Variants in AQR observed in about 807,000 individuals in gnomAD.
AQR encodes the protein RNA helicase aquarius.
A neutral mutation model predicts 180.5 loss-of-function variants in AQR; 61 were observed. That is an observed-to-expected ratio of 0.34 (90% CI 0.28 to 0.42). The LOEUF (loss-of-function observed/expected upper bound fraction) is 0.42, where lower values mean the gene tolerates loss of function less well. Among genes scored for constraint, AQR ranks in the 10% least tolerant of loss-of-function variants. The pLI, the probability that AQR is intolerant of heterozygous loss-of-function variation, is 1.00. For synonymous variants in AQR, 551 were observed against 588.8 expected (o/e 0.94, Z 0.93); for missense variants, 1,281 against 1,798.3 (o/e 0.71, Z 5.20).
At chr15:34,878,385 C>CAAAAAA (rs5811839) in intron 27 of AQR, among the ~76,000 whole-genome samples, 3 of 41,620 alleles carry the variant, frequency 7.2e-5, no homozygotes, top group Admixed American at 2.7e-4. Flanking sequence ...GACTCTGTCT[C>CAAAAAA]AAAAAAAAAA....
At chr15:34,957,259 C>T (rs12909008) in intron 3 of AQR, among the ~76,000 whole-genome samples, 3 of 151,956 alleles carry the variant, frequency 2.0e-5, no homozygotes, top group East Asian at 1.9e-4. Context: ...CGGGTTCAAG[C>T]GATTCTCCTG....
At chr15:34,915,442 G>A (rs564385253) in intron 15 of AQR, among the ~76,000 whole-genome samples, 2 of 151,442 alleles carry the variant, frequency 1.3e-5, no homozygotes, top group South Asian at 2.1e-4. Flanking sequence ...TGCCCACCTT[G>A]GCCTCCCAAA....
rs149410549 is a variant in AQR at position 34,964,069 on chromosome 15, T to G, written c.132+165A>C. On this transcript the variant is annotated intron_variant, in intron 2 of 34. Coordinates refer to ENST00000156471, the MANE Select transcript of AQR (RefSeq NM_014691.3). ...TGTGTAGTTTCTATGTCTTCCAAAT[T>G]TCCTAACATAAATCATTGCTAAGTT... 6.9e-3 allele frequency among the ~76,000 whole-genome samples: 1,050 copies of G among 152,332 alleles called. 5 individuals carry two copies. The highest frequency in any genetic ancestry group is 0.024 in the Middle Eastern group (7 of 294).
intron 22 of AQR, among the ~76,000 whole-genome samples, chr15:34,895,155 G>A (rs1368431881): frequency 3.1e-4 from 3 of 9,790 alleles, no homozygotes; most frequent in African/African-American, 9.1e-4. Flanking sequence ...AAGTAAGACT[G>A]TCTCAAAAAA....
chr15:34,853,983 C>T lies in AQR; in HGVS notation c.*2809G>A, dbSNP rs1892550946. ...ACAAAATTTCATTTGTTTACAGGAG[C>T]ACAAATGGCCTATTTATGCCTTTTC... On this transcript the variant is annotated 3_prime_UTR_variant, in exon 35 of 35. Transcript: ENST00000156471. 6.6e-6 allele frequency: 1 copy of T among 152,030 alleles called. No homozygotes were observed. The highest frequency in any genetic ancestry group is 2.4e-5 in the African/African-American group (1 of 41,390). The allele number at this position is 152,030 out of a possible 1,614,324, so 9.4% of individuals were successfully genotyped here.
At chr15:34,880,123 C>T (rs1729327727) in intron 27 of AQR, among the ~76,000 whole-genome samples, 1 of 152,110 alleles carries the variant, frequency 6.6e-6, no homozygotes, top group African/African-American at 2.4e-5. Context: ...CACTGGAAGA[C>T]AGAGAAAACG....
rs200092913 is a variant in AQR at position 34,918,339 on chromosome 15, A to G, written c.1261T>C (p.Leu421=). Residue 421 remains leucine (L), a synonymous_variant, in exon 15 of 35, where the codon TTG becomes CTG. Coordinates refer to ENST00000156471, the MANE Select transcript of AQR (RefSeq NM_014691.3). ...HERRISQIQQ[L]NQMPLYPTEK... is the part of the protein sequence containing the mutation. ...GTTGGATACAAAGGCATCTGGTTCAACTGCTGAATCTGAGAAATTCGACGT... is the reference window on the plus strand; with the variant it reads ...GTTGGATACAAAGGCATCTGGTTCAGCTGCTGAATCTGAGAAATTCGACGT... The G allele has an allele frequency of 6.2e-7, 1 of 1,613,924 alleles. No individual in the cohort carries two copies. The highest frequency in any genetic ancestry group is 1.3e-5 in the African/African-American group (1 of 75,048).
chr15:34,937,649 C>T lies in AQR; in HGVS notation c.718+1088G>A, dbSNP rs370690053. Among the ~76,000 whole-genome samples the T allele has an allele frequency of 3.3e-5, 5 of 151,562 alleles. No homozygotes were observed. In the East Asian group the frequency reaches 9.7e-4, roughly 29 times the overall value. On this transcript the variant is annotated intron_variant, in intron 9 of 34. Coordinates refer to ENST00000156471, the MANE Select transcript of AQR (RefSeq NM_014691.3). ...CTGTGATCCCAGCGCTTTGGGAGGC[C>T]GAGGCAGGCAGACTGCCTGAGGTCA...
intron 1 of AQR, among the ~76,000 whole-genome samples, chr15:34,965,033 C>T (rs1429128599): frequency 6.6e-6 from 1 of 152,136 alleles, no homozygotes; most frequent in Non-Finnish European, 1.5e-5. Context: ...ATCAGAGGCA[C>T]TAATAAAGTC....
Position 34,853,622 on chromosome 15 carries a change from G to A in AQR, c.*3170C>T, listed in dbSNP as rs906574691. 9 of 152,186 alleles carry A rather than the reference G, an allele frequency of 5.9e-5. No individual in the cohort carries two copies. Among genetic ancestry groups the A allele is most frequent in the African/African-American group, 2.2e-4 (9 of 41,502 alleles). 9.4% of individuals were successfully genotyped at this position (152,186 alleles called of 1,614,324 possible). On this transcript the variant is annotated 3_prime_UTR_variant, in exon 35 of 35. Transcript: ENST00000156471. ...TCATTCTTCATGCTGCCTGGATTGG[G>A]GCATGGCTAAGCACTCAAGTCAAAG...
intron 14 of AQR, among the ~76,000 whole-genome samples, chr15:34,919,369 A>G (rs1167184956): frequency 6.6e-6 from 1 of 152,198 alleles, no homozygotes; most frequent in Non-Finnish European, 1.5e-5. Context: ...CATGATATCT[A>G]AACAATATGT....
At chr15:34,858,485 T>C (rs1892623476) in intron 34 of AQR, among the ~76,000 whole-genome samples, 1 of 152,202 alleles carries the variant, frequency 6.6e-6, no homozygotes, top group Non-Finnish European at 1.5e-5. Context: ...AGACTTAATA[T>C]GTGAAGATGT....
intron 3 of AQR, among the ~76,000 whole-genome samples, chr15:34,956,474 A>C (rs1347346545): frequency 6.6e-6 from 1 of 152,060 alleles, no homozygotes; most frequent in Non-Finnish European, 1.5e-5. Flanking sequence ...AACATGGTGA[A>C]ACACTTTCTC....
chr15:34,915,008 C>T (rs371714856), intron 16 of AQR, 30 bp downstream of exon 16: 2 of 1,577,872 alleles, frequency 1.3e-6, no homozygotes, highest in African/African-American at 1.4e-5. Flanking sequence ...GTTTGCATCT[C>T]TTCATTACAG....
At chr15:34,909,990 T>C in intron 17 of AQR, 145 bp downstream of exon 17, 1 of 858,238 alleles carries the variant, frequency 1.2e-6, no homozygotes, top group Non-Finnish European at 1.8e-6. Flanking sequence ...AGAAAAAAAG[T>C]TGCTATTCTT....
chr15:34,944,178 T>C (rs750859443), intron 6 of AQR, 110 bp downstream of exon 6: 46 of 1,032,962 alleles, frequency 4.5e-5, no homozygotes, highest in Non-Finnish European at 4.5e-5. Flanking sequence ...TTATCCTTAT[T>C]GCCTGCTATT....
At chr15:34,873,465 T>C (rs916156978) in intron 30 of AQR, among the ~76,000 whole-genome samples, 1 of 151,726 alleles carries the variant, frequency 6.6e-6, no homozygotes, top group African/African-American at 2.4e-5. Flanking sequence ...ATGAGTTCTA[T>C]AAATATATTC....
chr15:34,955,491 G>GA (rs776348940), intron 3 of AQR, among the ~76,000 whole-genome samples: 1 of 152,022 alleles, frequency 6.6e-6, no homozygotes, highest in Non-Finnish European at 1.5e-5. Flanking sequence ...CAACCATACG[G>GA]AAAAAATCAA....
intron 33 of AQR, among the ~76,000 whole-genome samples, chr15:34,860,557 G>C (rs746637239): frequency 3.9e-5 from 6 of 152,098 alleles, no homozygotes; most frequent in Non-Finnish European, 5.9e-5. Context: ...TAATATAAAA[G>C]AATTAGTACA....
Sources: allele counts gnomAD v4.1 joint callset (sites outside exome capture counted in the v4.1 genomes callset), GRCh38; gene constraint gnomAD v4.1.1; transcripts MANE v1.5; gene names NCBI Gene and HGNC (gene_info 2026-07-23, HGNC 2026-07-21).